Variants in ZBTB20 observed in about 807,000 individuals in gnomAD.
ZBTB20 encodes zinc finger and BTB domain containing 20.
ZBTB20 carries 9 observed loss-of-function variants against 56.9 expected under a neutral mutation model. That is an observed-to-expected ratio of 0.16 (90% CI 0.10 to 0.28). The LOEUF (loss-of-function observed/expected upper bound fraction) is 0.28, where lower values mean the gene tolerates loss of function less well. ZBTB20 is among the 10% of genes least tolerant of loss of function. The pLI, the probability that ZBTB20 is intolerant of heterozygous loss-of-function variation, is 1.00. For synonymous variants in ZBTB20, 417 were observed against 420.7 expected (o/e 0.99, Z 0.11); for missense variants, 655 against 1,003.0 (o/e 0.65, Z 4.69).
chr3:115,140,548 T>C (rs2084784580), intron 1 of ZBTB20, among the ~76,000 whole-genome samples: 1 of 151,984 alleles, frequency 6.6e-6, no homozygotes, highest in African/African-American at 2.4e-5. Flanking sequence ...AGAGTGTGTA[T>C]GTGTGTGTGG....
At chr3:114,805,102 A>G (rs985966634) in intron 4 of ZBTB20, among the ~76,000 whole-genome samples, 1 of 151,946 alleles carries the variant, frequency 6.6e-6, no homozygotes, top group South Asian at 2.1e-4. Flanking sequence ...CAATGATAGT[A>G]CAGAGAGTAC....
At chr3:114,873,712 A>G (rs756363267) in intron 4 of ZBTB20, among the ~76,000 whole-genome samples, 4 of 152,170 alleles carry the variant, frequency 2.6e-5, no homozygotes, top group Non-Finnish European at 4.4e-5. Context: ...GCAATATTTC[A>G]TTTCTAAAAC....
chr3:115,039,973 C>T (rs1190105622), intron 2 of ZBTB20, among the ~76,000 whole-genome samples: 1 of 152,046 alleles, frequency 6.6e-6, no homozygotes, highest in Non-Finnish European at 1.5e-5. Context: ...CACACATATA[C>T]ATACACACAA....
chr3:114,595,728 G>T (rs534383584), intron 6 of ZBTB20, among the ~76,000 whole-genome samples: 2 of 152,306 alleles, frequency 1.3e-5, no homozygotes, highest in African/African-American at 4.8e-5. Context: ...TCTAAGATAA[G>T]ACTGGTATTT....
chr3:114,657,927 A>G (rs1379570797), intron 6 of ZBTB20, among the ~76,000 whole-genome samples: 2 of 152,216 alleles, frequency 1.3e-5, no homozygotes, highest in Admixed American at 6.5e-5. Flanking sequence ...CAAAATCACA[A>G]CTACCAAAAT....
intron 3 of ZBTB20, among the ~76,000 whole-genome samples, chr3:114,903,670 G>C (rs548223307): frequency 7.9e-5 from 12 of 151,856 alleles, no homozygotes; most frequent in Non-Finnish European, 1.8e-4. Flanking sequence ...AACTTCTCTG[G>C]GTGAAAAATG....
At chr3:114,419,250 T>G (rs1169191868) in intron 7 of ZBTB20, 1 of 152,072 alleles carries the variant, frequency 6.6e-6, no homozygotes, top group Non-Finnish European at 1.5e-5. Context: ...ACAGACACAG[T>G]AACATAATTT....
At chr3:114,819,134 A>G (rs1012383101) in intron 4 of ZBTB20, among the ~76,000 whole-genome samples, 16 of 151,966 alleles carry the variant, frequency 1.1e-4, no homozygotes, top group African/African-American at 3.1e-4. Context: ...TAGGCAATTA[A>G]GGACACTAAC....
rs1184775943 is a variant in ZBTB20 at position 114,314,962 on chromosome 3, A to G, written c.*24043T>C. 6.6e-6 allele frequency: 1 copy of G among 152,138 alleles called. No individual in the cohort carries two copies. The highest frequency in any genetic ancestry group is 1.5e-5 in the Non-Finnish European group (1 of 68,024). The allele number at this position is 152,138 out of a possible 1,614,324, so 9.4% of individuals were successfully genotyped here. A position where few individuals can be genotyped will look rare whatever the true frequency, so the allele number is the denominator to read the frequency against. On this transcript the variant is annotated 3_prime_UTR_variant, in exon 12 of 12. Transcript: ENST00000675478. ...GTCACTGTAAGAAAAAACTGGCAGG[A>G]TGTGTGTATTTAGTCTATATTTTAA...
At chr3:114,405,105 C>T (rs1323192184) in intron 7 of ZBTB20, among the ~76,000 whole-genome samples, 1 of 151,978 alleles carries the variant, frequency 6.6e-6, no homozygotes. Flanking sequence ...AAAATCCTAG[C>T]TTTAAGAACA....
At chr3:114,401,827 ATTTG>A (rs530259280) in intron 7 of ZBTB20, among the ~76,000 whole-genome samples, 20 of 152,314 alleles carry the variant, frequency 1.3e-4, no homozygotes, top group East Asian at 5.8e-4. Flanking sequence ...TAAACTACCA[ATTTG>A]TTTGAGAACA....
At chr3:114,477,226 C>A (rs2040883626) in intron 7 of ZBTB20, among the ~76,000 whole-genome samples, 1 of 152,182 alleles carries the variant, frequency 6.6e-6, no homozygotes, top group Non-Finnish European at 1.5e-5. Flanking sequence ...AAAGATACGA[C>A]CACTGCTAAA....
intron 6 of ZBTB20, among the ~76,000 whole-genome samples, chr3:114,668,823 A>G (rs1003073684): frequency 2.6e-5 from 4 of 152,096 alleles, no homozygotes; most frequent in African/African-American, 9.6e-5. Flanking sequence ...TCTCTAACAC[A>G]TAAGTCATTA....
At chr3:114,739,713 T>C (rs757846956) in intron 5 of ZBTB20, among the ~76,000 whole-genome samples, 8 of 152,228 alleles carry the variant, frequency 5.3e-5, no homozygotes, top group Admixed American at 3.3e-4. Context: ...TAAGTTGACA[T>C]TGAGTCAGAT....
chr3:115,001,695 T>C (rs532955749), intron 2 of ZBTB20, among the ~76,000 whole-genome samples: 1 of 151,524 alleles, frequency 6.6e-6, no homozygotes, highest in South Asian at 2.1e-4. Context: ...ACAAAATATG[T>C]ATAAGATCTA....
At chr3:114,431,911 C>G (rs1170044665) in intron 7 of ZBTB20, among the ~76,000 whole-genome samples, 1 of 152,092 alleles carries the variant, frequency 6.6e-6, no homozygotes, top group Non-Finnish European at 1.5e-5. Flanking sequence ...GGTCAAGTGG[C>G]ACAAAGGAGT....
rs144698930 is a variant in ZBTB20 at position 115,046,338 on chromosome 3, GA to G, written c.-507+24880del. On this transcript the variant is annotated intron_variant, in intron 2 of 11. Coordinates refer to ENST00000675478, the MANE Select transcript of ZBTB20 (RefSeq NM_001348800.3). ...AGCACTCAGTCCTATAAAGTTGTTAGAAAAAAAAAGTCTTCATGTTTTGCAC... is the reference window on the plus strand; with the variant it reads ...AGCACTCAGTCCTATAAAGTTGTTAGAAAAAAAAGTCTTCATGTTTTGCAC... 9.5e-3 allele frequency among the ~76,000 whole-genome samples: 1,431 copies of G among 151,210 alleles called. 9 individuals carry two copies. Among genetic ancestry groups the G allele is most frequent in the African/African-American group, 0.031 (1,284 of 41,258 alleles).
chr3:114,993,843 A>G (rs2108170287), intron 2 of ZBTB20, among the ~76,000 whole-genome samples: 1 of 151,948 alleles, frequency 6.6e-6, no homozygotes, highest in South Asian at 2.1e-4. Flanking sequence ...GATCTCACTT[A>G]GCAAGTTAAA....
chr3:114,451,354 G>A (rs955481184), intron 7 of ZBTB20, among the ~76,000 whole-genome samples: 1 of 152,086 alleles, frequency 6.6e-6, no homozygotes, highest in African/African-American at 2.4e-5. Context: ...TGATGAAGGG[G>A]AGGGTTAAAT....
Sources: gnomAD v4.1 joint callset for allele counts (sites outside exome capture counted in the v4.1 genomes callset) on GRCh38, gnomAD v4.1.1 for gene constraint, MANE v1.5 for transcripts, NCBI Gene and HGNC (gene_info 2026-07-23, HGNC 2026-07-21) for gene names.